Variants in CADPS2 observed in about 807,000 individuals in gnomAD.
CADPS2 encodes calcium-dependent secretion activator 2.
Under a neutral mutation model 172.5 loss-of-function variants are expected in CADPS2, and 93 were observed. The ratio of observed to expected loss-of-function variants is 0.54; its 90% CI spans 0.46 to 0.64. The LOEUF (loss-of-function observed/expected upper bound fraction) is 0.64. Among genes scored for constraint, CADPS2 ranks in the 30% least tolerant of loss-of-function variants. CADPS2 has a pLI of 0.00. For synonymous variants in CADPS2, 546 were observed against 555.2 expected, an observed-to-expected ratio of 0.98 and a Z score of 0.23; for missense variants, 1,420 against 1,565.9, an observed-to-expected ratio of 0.91 and a Z score of 1.57.
At chr7:122,578,504 T>A (rs952010184) in intron 7 of CADPS2, among the ~76,000 whole-genome samples, 2 of 152,052 alleles carry the variant, frequency 1.3e-5, no homozygotes, top group African/African-American at 2.4e-5. Flanking sequence ...TTAAAATCTT[T>A]AGGAGGGCTT....
intron 1 of CADPS2, among the ~76,000 whole-genome samples, chr7:122,787,211 A>G (rs1794252721): frequency 6.6e-6 from 1 of 152,220 alleles, no homozygotes; most frequent in South Asian, 2.1e-4. Flanking sequence ...AGGGTTTTAT[A>G]AAGTGCCTCT....
intron 6 of CADPS2, among the ~76,000 whole-genome samples, chr7:122,589,632 G>A (rs565333904): frequency 2.5e-4 from 38 of 152,010 alleles, no homozygotes; most frequent in Admixed American, 1.7e-3. Flanking sequence ...CTGACACGTC[G>A]TTTACTATGA....
chr7:122,637,712 T>C (rs1436753458), intron 3 of CADPS2, among the ~76,000 whole-genome samples: 1 of 152,194 alleles, frequency 6.6e-6, no homozygotes, highest in African/African-American at 2.4e-5. Flanking sequence ...TTAATGTGTT[T>C]GTTTCGGCAT....
intron 17 of CADPS2, among the ~76,000 whole-genome samples, chr7:122,420,574 C>A (rs1039679298): frequency 3.3e-5 from 5 of 152,212 alleles, no homozygotes; most frequent in East Asian, 3.8e-4. Context: ...TTATCAATAG[C>A]CCCATTAAAA....
chr7:122,856,372 T>A (rs1815230106), intron 1 of CADPS2, among the ~76,000 whole-genome samples: 1 of 152,222 alleles, frequency 6.6e-6, no homozygotes, highest in African/African-American at 2.4e-5. Context: ...ATCCTACTCA[T>A]TCAGTCTTGC....
chr7:122,541,362 A>ATT (rs34290734), intron 8 of CADPS2, among the ~76,000 whole-genome samples: 39,024 of 132,478 alleles, frequency 0.29, 6,302 homozygotes, highest in Middle Eastern at 0.36. Context: ...ACACCCAGCT[A>ATT]TTTTTTTTTT....
intron 8 of CADPS2, among the ~76,000 whole-genome samples, chr7:122,544,909 T>C (rs938430084): frequency 1.3e-5 from 2 of 152,080 alleles, no homozygotes; most frequent in Admixed American, 6.6e-5. Flanking sequence ...CCCTTTAATA[T>C]AGCAAAGGGC....
At chr7:122,786,011 TTTCATTA>T (rs1793957882) in intron 1 of CADPS2, among the ~76,000 whole-genome samples, 1 of 152,210 alleles carries the variant, frequency 6.6e-6, no homozygotes, top group East Asian at 1.9e-4. Context: ...GTCATGTCTA[TTTCATTA>T]ACTTCTAGAA....
intron 2 of CADPS2, chr7:122,702,168 A>G (rs2086231553): frequency 6.2e-7 from 1 of 1,613,694 alleles, no homozygotes; most frequent in Non-Finnish European, 8.5e-7. Context: ...AGGAAGGTAA[A>G]TAGATACATG....
At chr7:122,751,665 A>C (rs897684187) in intron 1 of CADPS2, among the ~76,000 whole-genome samples, 1 of 152,194 alleles carries the variant, frequency 6.6e-6, no homozygotes, top group Non-Finnish European at 1.5e-5. Flanking sequence ...AACAGAAACC[A>C]CAAGGATGGA....
At chr7:122,334,087 GACTC>G (rs2035452711) in intron 28 of CADPS2, among the ~76,000 whole-genome samples, 1 of 152,040 alleles carries the variant, frequency 6.6e-6, no homozygotes, top group South Asian at 2.1e-4. Context: ...TTTAAGACAG[GACTC>G]AAATGGGGCT....
chr7:122,591,192 AC>A (rs2070745623), intron 6 of CADPS2, among the ~76,000 whole-genome samples: 1 of 152,098 alleles, frequency 6.6e-6, no homozygotes, highest in African/African-American at 2.4e-5. Flanking sequence ...TACACCAATA[AC>A]AGACAAACAG....
intron 10 of CADPS2, 45 bp from the exon 11 acceptor site, chr7:122,490,326 G>T: frequency 6.4e-7 from 1 of 1,556,816 alleles, no homozygotes. Context: ...TATAGGATTG[G>T]CAGATTTTCG....
intron 20 of CADPS2, among the ~76,000 whole-genome samples, chr7:122,398,983 C>T (rs945172323): frequency 2.0e-5 from 3 of 152,048 alleles, no homozygotes; most frequent in African/African-American, 7.2e-5. Flanking sequence ...AAAAATTTGA[C>T]AAGTAATTTT....
chr7:122,726,879 A>T (rs1462496732), intron 2 of CADPS2, among the ~76,000 whole-genome samples: 1 of 151,948 alleles, frequency 6.6e-6, no homozygotes, highest in African/African-American at 2.4e-5. Flanking sequence ...TAAGCTGACA[A>T]GATAAAGTAA....
chr7:122,422,193 T>C (rs1470538777), intron 17 of CADPS2: 1 of 152,138 alleles, frequency 6.6e-6, no homozygotes, highest in Admixed American at 6.5e-5. Flanking sequence ...GGACTATAGT[T>C]TGGCAATAGC....
At chr7:122,850,774 G>A (rs892193359) in intron 1 of CADPS2, among the ~76,000 whole-genome samples, 2 of 152,146 alleles carry the variant, frequency 1.3e-5, no homozygotes, top group Non-Finnish European at 2.9e-5. Context: ...TTCCATCATG[G>A]ATTCATTACA....
intron 2 of CADPS2, among the ~76,000 whole-genome samples, chr7:122,700,610 A>C (rs1381766800): frequency 1.3e-5 from 2 of 152,200 alleles, no homozygotes; most frequent in East Asian, 3.9e-4. Context: ...ATAGGTGTTT[A>C]TTCATCTACT....
In CADPS2 at chr7:122,527,650, G is replaced by T. The variant is rs10262144; in HGVS notation, c.1476-14335C>A. On this transcript the variant is annotated intron_variant, in intron 8 of 29. Transcript: ENST00000449022. ...TGTGTGTGTGTGTGTGTGTGTGTGT[G>T]TGTTTCCTGCAAGTGGTGGGCTTCC... Among the ~76,000 whole-genome samples the T allele has an allele frequency of 2.4e-3, 330 of 137,864 alleles. 1 individual carries two copies. Among genetic ancestry groups the T allele is most frequent in the African/African-American group, 9.4e-3 (317 of 33,816 alleles). 90.4% of individuals were successfully genotyped at this position (137,864 alleles called of 152,430 possible).
Sources: gnomAD v4.1 joint callset for allele counts (sites outside exome capture counted in the v4.1 genomes callset) on GRCh38, gnomAD v4.1.1 for gene constraint, MANE v1.5 for transcripts, NCBI Gene and HGNC (gene_info 2026-07-23, HGNC 2026-07-21) for gene names.